GRIK1: variants seen among roughly 807,000 people sequenced by gnomAD.
GRIK1 encodes the protein glutamate receptor ionotropic, kainate 1.
Under a neutral mutation model 105.7 loss-of-function variants are expected in GRIK1, and 69 were observed. The observed-to-expected ratio is 0.65, with a 90% CI of 0.54 to 0.80. GRIK1 has a LOEUF of 0.80. GRIK1 is among the 30% of genes least tolerant of loss of function. GRIK1 has a pLI of 0.00. For missense variants in GRIK1, 1,109 were observed against 1,167.3 expected, an observed-to-expected ratio of 0.95 and a Z score of 0.73; for synonymous variants, 438 against 431.3, an observed-to-expected ratio of 1.02 and a Z score of -0.19.
chr21:29,723,709 C>G (rs765023619), intron 1 of GRIK1, among the ~76,000 whole-genome samples: 4 of 152,148 alleles, frequency 2.6e-5, no homozygotes, highest in Non-Finnish European at 5.9e-5. Flanking sequence ...AATGGACCAG[C>G]CTTTAGAAAT....
At chr21:29,762,510 A>C (rs1344388037) in intron 1 of GRIK1, among the ~76,000 whole-genome samples, 1 of 152,218 alleles carries the variant, frequency 6.6e-6, no homozygotes, top group Non-Finnish European at 1.5e-5. Flanking sequence ...TTTAAGTGAT[A>C]ATTGCTATTC....
chr21:29,894,273 GC>G (rs2070023552), intron 1 of GRIK1, among the ~76,000 whole-genome samples: 1 of 152,134 alleles, frequency 6.6e-6, no homozygotes, highest in African/African-American at 2.4e-5. Flanking sequence ...TGGTGGATCA[GC>G]CCAAGTCCCA....
At chr21:29,603,683 T>C (rs2146339904) in intron 7 of GRIK1, among the ~76,000 whole-genome samples, 1 of 152,300 alleles carries the variant, frequency 6.6e-6, no homozygotes. Context: ...GCTTTGTGGA[T>C]TGATGGGTTA....
intron 1 of GRIK1, among the ~76,000 whole-genome samples, chr21:29,858,858 C>G (rs1212472684): frequency 6.6e-6 from 1 of 151,770 alleles, no homozygotes; most frequent in Non-Finnish European, 1.5e-5. Flanking sequence ...CACACAACTT[C>G]TTTGCACACC....
intron 1 of GRIK1, among the ~76,000 whole-genome samples, chr21:29,782,125 C>T (rs1404591816): frequency 3.1e-4 from 45 of 147,532 alleles, no homozygotes; most frequent in Non-Finnish European, 4.9e-4. Flanking sequence ...CTCGCTGTGT[C>T]GCCCAGGCTG....
intron 1 of GRIK1, among the ~76,000 whole-genome samples, chr21:29,701,406 A>G (rs2063810284): frequency 6.6e-6 from 1 of 152,178 alleles, no homozygotes; most frequent in South Asian, 2.1e-4. Context: ...GGGAAATATA[A>G]TGTCTAAGGT....
intron 1 of GRIK1, among the ~76,000 whole-genome samples, chr21:29,742,609 T>G (rs1199853904): frequency 6.6e-6 from 1 of 152,260 alleles, no homozygotes; most frequent in African/African-American, 2.4e-5. Flanking sequence ...TGTACACATT[T>G]TATTTTTTGC....
intron 1 of GRIK1, among the ~76,000 whole-genome samples, chr21:29,900,877 C>A (rs994972650): frequency 3.9e-4 from 59 of 152,088 alleles, no homozygotes; most frequent in African/African-American, 1.4e-3. Flanking sequence ...AAATTGACCA[C>A]GTAATTGGAA....
At chr21:29,910,099 C>G (rs897366064) in intron 1 of GRIK1, among the ~76,000 whole-genome samples, 3 of 152,052 alleles carry the variant, frequency 2.0e-5, no homozygotes, top group Non-Finnish European at 4.4e-5. Flanking sequence ...ACTCCATTCT[C>G]TGTGATATGC....
chr21:29,714,840 A>C (rs1237339497), intron 1 of GRIK1, among the ~76,000 whole-genome samples: 1 of 152,178 alleles, frequency 6.6e-6, no homozygotes, highest in Admixed American at 6.5e-5. Context: ...AACTTACTAA[A>C]TGGGGATGAT....
intron 15 of GRIK1, among the ~76,000 whole-genome samples, chr21:29,559,134 A>G (rs368637403): frequency 7.2e-5 from 11 of 152,284 alleles, no homozygotes; most frequent in East Asian, 3.9e-4. Context: ...AGATGGTTCT[A>G]TTAAGGAACT....
At chr21:29,845,050 G>A (rs2146019039) in intron 1 of GRIK1, among the ~76,000 whole-genome samples, 1 of 152,276 alleles carries the variant, frequency 6.6e-6, no homozygotes, top group Admixed American at 6.5e-5. Context: ...GCATGCTCAT[G>A]TGAGATATTT....
intron 1 of GRIK1, among the ~76,000 whole-genome samples, chr21:29,735,297 T>A (rs1308544481): frequency 6.6e-6 from 1 of 152,228 alleles, no homozygotes; most frequent in Non-Finnish European, 1.5e-5. Context: ...TCACTGTTTC[T>A]CTCAGCATGA....
At position 29,642,835 on chromosome 21, in the gene GRIK1, C is replaced by T; in HGVS notation, c.1089G>A (p.Leu363=). Residue 363 remains leucine (L), a synonymous_variant, in exon 7 of 18, where the codon CTG becomes CTA. Transcript: ENST00000327783. ...PWRLGPRFMN[L]IKEARWDGLT... ...AGGGAGCATCACTTGCCTCTTTGAT[C>T]AGGTTCATAAATCTGGGTCCGAGGC... 6.2e-7 allele frequency: 1 copy of T among 1,614,036 alleles called. No individual in the cohort carries two copies. The highest frequency in any genetic ancestry group is 8.5e-7 in the Non-Finnish European group (1 of 1,179,928).
At chr21:29,939,152 C>A (rs2071880195) in intron 1 of GRIK1, among the ~76,000 whole-genome samples, 1 of 152,160 alleles carries the variant, frequency 6.6e-6, no homozygotes, top group South Asian at 2.1e-4. Flanking sequence ...TCCTGGAGCC[C>A]AGATTGAAAA....
At chr21:29,594,191 G>A (rs923472915) in intron 9 of GRIK1, among the ~76,000 whole-genome samples, 1 of 150,316 alleles carries the variant, frequency 6.7e-6, no homozygotes, top group African/African-American at 2.4e-5. Flanking sequence ...GTGTATGTGT[G>A]TGTGTGTGTG....
At chr21:29,563,121 T>C (rs1293335436) in intron 14 of GRIK1, among the ~76,000 whole-genome samples, 1 of 152,186 alleles carries the variant, frequency 6.6e-6, no homozygotes, top group Non-Finnish European at 1.5e-5. Context: ...ATCACAGTTA[T>C]ATATAGTGCT....
chr21:29,925,813 C>T (rs548681045), intron 1 of GRIK1, among the ~76,000 whole-genome samples: 10 of 152,074 alleles, frequency 6.6e-5, no homozygotes, highest in African/African-American at 7.2e-5. Context: ...TTTTTTATGA[C>T]GTTCTCAAAA....
At chr21:29,723,701 T>C (rs1056933813) in intron 1 of GRIK1, among the ~76,000 whole-genome samples, 1 of 152,228 alleles carries the variant, frequency 6.6e-6, no homozygotes, top group Non-Finnish European at 1.5e-5. Context: ...TATGGAACAA[T>C]GGACCAGCCT....
Sources: allele counts gnomAD v4.1 joint callset (sites outside exome capture counted in the v4.1 genomes callset), GRCh38; gene constraint gnomAD v4.1.1; transcripts MANE v1.5; gene names NCBI Gene and HGNC (gene_info 2026-07-23, HGNC 2026-07-21).